CAMSAP2: variants seen among roughly 807,000 people sequenced by gnomAD.
The protein encoded by CAMSAP2 is calmodulin-regulated spectrin-associated protein 2.
CAMSAP2 carries 26 observed loss-of-function variants against 146.1 expected under a neutral mutation model. That is an observed-to-expected ratio of 0.18 (90% CI 0.13 to 0.25). The LOEUF (loss-of-function observed/expected upper bound fraction) is 0.25, where lower values mean the gene tolerates loss of function less well. CAMSAP2 is among the 10% of genes least tolerant of loss of function. The pLI is 1.00. For synonymous variants in CAMSAP2, 499 were observed against 596.6 expected (o/e 0.84, Z 2.38); for missense variants, 1,381 against 1,759.3 (o/e 0.78, Z 3.85).
rs536091033 is a variant in CAMSAP2 at position 200,827,082 on chromosome 1, T to C, written c.646-5118T>C. Among the ~76,000 whole-genome samples, 53 of 152,338 alleles carry C rather than the reference T, an allele frequency of 3.5e-4. 1 individual carries two copies. The highest frequency in any genetic ancestry group is 2.9e-3 in the Admixed American group (44 of 15,294). ...CGTATATAAGTATGCATAGTATATT[T>C]ATTTGTTCTTTTAGTACATTTACTC... is the stretch of plus-strand genomic sequence containing the variant. On this transcript the variant is annotated intron_variant, in intron 4 of 16. Transcript: ENST00000358823.
At chr1:200,780,827 C>T (rs1665409603) in intron 2 of CAMSAP2, among the ~76,000 whole-genome samples, 1 of 152,168 alleles carries the variant, frequency 6.6e-6, no homozygotes. Context: ...TTATAAAAAC[C>T]TGGGATGGCT....
At chr1:200,755,839 G>A (rs1210601295) in intron 1 of CAMSAP2, among the ~76,000 whole-genome samples, 4 of 152,202 alleles carry the variant, frequency 2.6e-5, no homozygotes, top group South Asian at 2.1e-4. Context: ...TTGTTATCTA[G>A]AGAATTAAAC....
intron 7 of CAMSAP2, among the ~76,000 whole-genome samples, chr1:200,844,192 A>G (rs1359055245): frequency 6.6e-6 from 1 of 152,016 alleles, no homozygotes; most frequent in Admixed American, 6.6e-5. Flanking sequence ...TTTTAAATAC[A>G]TGTATTTATT....
At chr1:200,761,797 C>T (rs1436293985) in intron 2 of CAMSAP2, among the ~76,000 whole-genome samples, 1 of 151,526 alleles carries the variant, frequency 6.6e-6, no homozygotes, top group Non-Finnish European at 1.5e-5. Flanking sequence ...TTCTGCATAT[C>T]AGATATTTTC....
At chr1:200,766,142 CTT>C (rs71135394) in intron 2 of CAMSAP2, among the ~76,000 whole-genome samples, 7 of 140,786 alleles carry the variant, frequency 5.0e-5, no homozygotes, top group Non-Finnish European at 6.2e-5. Flanking sequence ...TCAAGTAGCT[CTT>C]TTTTTTTTTT....
chr1:200,834,199 C>T (rs1305822393), intron 6 of CAMSAP2, among the ~76,000 whole-genome samples: 1 of 152,012 alleles, frequency 6.6e-6, no homozygotes, highest in Non-Finnish European at 1.5e-5. Context: ...CTCACGTTTA[C>T]TAAAAATACA....
chr1:200,760,132 A>G (rs1664761795), intron 1 of CAMSAP2, among the ~76,000 whole-genome samples: 1 of 152,098 alleles, frequency 6.6e-6, no homozygotes, highest in Admixed American at 6.6e-5. Flanking sequence ...CTAAACTACT[A>G]CTTATGTTTT....
rs539813298 is a variant in CAMSAP2, at chr1:200,842,135, G to A, written c.1021+48G>A. ...AATGTTCCTATGAACAGAAAAAAATGGAATGTTGATATAACCTTACCTGGT... is the reference window on the plus strand; with the variant it reads ...AATGTTCCTATGAACAGAAAAAAATAGAATGTTGATATAACCTTACCTGGT... On this transcript the variant is annotated intron_variant, in intron 7 of 16. Coordinates refer to ENST00000358823, the MANE Select transcript of CAMSAP2 (RefSeq NM_203459.4). 3.6e-6 allele frequency: 5 copies of A among 1,397,134 alleles called. No individual in the cohort carries two copies. In the African/African-American group the frequency reaches 7.1e-5, roughly 20 times the overall value. The allele number at this position is 1,397,134 out of a possible 1,614,324, so 86.5% of individuals were successfully genotyped here. A position where few individuals can be genotyped will look rare whatever the true frequency, so the allele number is the denominator to read the frequency against.
chr1:200,818,501 G>A (rs1476771444), intron 4 of CAMSAP2, among the ~76,000 whole-genome samples: 1 of 152,060 alleles, frequency 6.6e-6, no homozygotes, highest in East Asian at 1.9e-4. Flanking sequence ...CACATACATA[G>A]CATTTACCCC....
Position 200,827,724 on chromosome 1 carries a change from G to A in CAMSAP2, c.646-4476G>A, listed in dbSNP as rs184587964. The stretch of plus-strand genomic sequence containing the variant: ...GAAAAACTTTCTACATAAAAATTTT[G>A]GATATGAATTTTAATTTTGGATATG... On this transcript the variant is annotated intron_variant, in intron 4 of 16. Coordinates refer to ENST00000358823, the MANE Select transcript of CAMSAP2 (RefSeq NM_203459.4). Among the ~76,000 whole-genome samples the A allele has an allele frequency of 2.5e-3, 376 of 149,468 alleles. 3 individuals carry two copies. Among genetic ancestry groups the A allele is most frequent in the African/African-American group, 9.0e-3 (365 of 40,392 alleles).
intron 11 of CAMSAP2, 35 bp from the exon 12 acceptor site, chr1:200,852,506 A>C: frequency 6.3e-7 from 1 of 1,596,628 alleles, no homozygotes; most frequent in Non-Finnish European, 8.5e-7. Context: ...TGGTACCTAA[A>C]ATGTTTGATC....
At chr1:200,826,541 C>T (rs1305239799) in intron 4 of CAMSAP2, among the ~76,000 whole-genome samples, 5 of 151,988 alleles carry the variant, frequency 3.3e-5, no homozygotes, top group Admixed American at 6.6e-5. Context: ...CCAATAAAGA[C>T]CACACCAAAC....
At chr1:200,775,994 AAAAAG>A (rs1281321747) in intron 2 of CAMSAP2, among the ~76,000 whole-genome samples, 5 of 152,266 alleles carry the variant, frequency 3.3e-5, no homozygotes, top group Admixed American at 2.6e-4. Context: ...AAACAAAAAA[AAAAAG>A]AAAAGAAAAA....
rs1035372702 is a variant in CAMSAP2 at position 200,739,339 on chromosome 1, G to A, written c.-489G>A. ...GCCTGAGGGGTCTCCCCGCTCCGAG[G>A]GAAGGGGAGAGGGAGGCGAGGGCGT... On this transcript the variant is annotated 5_prime_UTR_variant, in exon 1 of 17. Coordinates refer to ENST00000358823, the MANE Select transcript of CAMSAP2 (RefSeq NM_203459.4). The surrounding 1 kb of genome is among the most constrained non-coding windows in gnomAD (Gnocchi z 4.8). Among the ~76,000 whole-genome samples the A allele has an allele frequency of 6.6e-6, 1 of 152,182 alleles. No individual in the cohort carries two copies. Among genetic ancestry groups the A allele is most frequent in the African/African-American group, 2.4e-5 (1 of 41,462 alleles).
intron 4 of CAMSAP2, among the ~76,000 whole-genome samples, chr1:200,816,572 C>T (rs1180708112): frequency 5.9e-5 from 7 of 118,878 alleles, no homozygotes; most frequent in African/African-American, 2.2e-4. Flanking sequence ...CCAGCCTGGG[C>T]AATAAGAGCA....
intron 1 of CAMSAP2, among the ~76,000 whole-genome samples, chr1:200,752,015 C>G (rs796398221): frequency 6.6e-6 from 1 of 152,118 alleles, no homozygotes; most frequent in African/African-American, 2.4e-5. Context: ...CTTGGAAATG[C>G]CTGTAAAGCA....
intron 1 of CAMSAP2, among the ~76,000 whole-genome samples, chr1:200,741,282 A>G (rs1571703642): frequency 6.6e-6 from 1 of 152,220 alleles, no homozygotes; most frequent in African/African-American, 2.4e-5. Flanking sequence ...AAATATAGTA[A>G]ATCCTTTTCA....
At chr1:200,807,739 CTTTTTT>C (rs397948290) in intron 3 of CAMSAP2, among the ~76,000 whole-genome samples, 1 of 131,394 alleles carries the variant, frequency 7.6e-6, no homozygotes, top group African/African-American at 2.8e-5. Flanking sequence ...TATGATTACT[CTTTTTT>C]TTTTTTTTTT....
At chr1:200,815,903 C>T (rs1666469860) in intron 4 of CAMSAP2, among the ~76,000 whole-genome samples, 1 of 152,164 alleles carries the variant, frequency 6.6e-6, no homozygotes, top group South Asian at 2.1e-4. Context: ...AACAGTTTGC[C>T]TTTCTTTGGT....
Sources: gnomAD v4.1 joint callset for allele counts (sites outside exome capture counted in the v4.1 genomes callset) on GRCh38, gnomAD v4.1.1 for gene constraint, Gnocchi (gnomAD v3.1) non-coding constraint, MANE v1.5 for transcripts, NCBI Gene and HGNC (gene_info 2026-07-23, HGNC 2026-07-21) for gene names.